The following MAP3K5 variants were observed in gnomAD, a reference collection of about 807,000 sequenced individuals.
MAP3K5 encodes mitogen-activated protein kinase kinase kinase 5.
MAP3K5 carries 56 observed loss-of-function variants against 158.7 expected under a neutral mutation model. The observed-to-expected ratio is 0.35, with a 90% CI of 0.28 to 0.44. MAP3K5 has a LOEUF of 0.44. Ranked by LOEUF, MAP3K5 falls within the 20% of genes least tolerant of loss-of-function variation. The pLI is 1.00. For synonymous variants in MAP3K5, 579 were observed against 601.7 expected (o/e 0.96, Z 0.55); for missense variants, 1,294 against 1,674.8 (o/e 0.77, Z 3.97).
chr6:136,677,850 A>G (rs1363026746), intron 7 of MAP3K5, among the ~76,000 whole-genome samples: 2 of 152,236 alleles, frequency 1.3e-5, no homozygotes, highest in African/African-American at 4.8e-5. Context: ...ATCAAATGGT[A>G]AAAGAATCTA....
chr6:136,633,429 A>G (rs1166926087), intron 14 of MAP3K5, among the ~76,000 whole-genome samples: 2 of 150,730 alleles, frequency 1.3e-5, no homozygotes, highest in African/African-American at 4.9e-5. Context: ...ATATATGTAT[A>G]TATATATATA....
chr6:136,668,850 C>T (rs780056318), intron 8 of MAP3K5, among the ~76,000 whole-genome samples: 9 of 151,990 alleles, frequency 5.9e-5, no homozygotes, highest in Non-Finnish European at 1.0e-4. Flanking sequence ...CCCCCAACAC[C>T]GGTGAAATCA....
chr6:136,784,808 T>C (rs984481582), intron 1 of MAP3K5, among the ~76,000 whole-genome samples: 1 of 152,184 alleles, frequency 6.6e-6, no homozygotes, highest in African/African-American at 2.4e-5. Context: ...TCTAAGGTTA[T>C]GTCCCCCACT....
chr6:136,686,472 G>A (rs1467442037), intron 7 of MAP3K5, among the ~76,000 whole-genome samples: 2 of 152,090 alleles, frequency 1.3e-5, no homozygotes. Context: ...AGGAAGAGCG[G>A]AAGTCAAATT....
At chr6:136,781,829 C>G (rs1435332270) in intron 1 of MAP3K5, among the ~76,000 whole-genome samples, 2 of 152,172 alleles carry the variant, frequency 1.3e-5, no homozygotes, top group Non-Finnish European at 2.9e-5. Flanking sequence ...GGCCCCTGGA[C>G]AGCAGAAATA....
At chr6:136,769,815 A>AGGGAGGGAGGGAGGGGG (rs1784122247) in intron 1 of MAP3K5, among the ~76,000 whole-genome samples, 1 of 13,668 alleles carries the variant, frequency 7.3e-5, no homozygotes, top group Non-Finnish European at 1.2e-4. Flanking sequence ...GAGGGAGGGG[A>AGGGAGGGAGGGAGGGGG]CGGGAGGGAG....
intron 1 of MAP3K5, among the ~76,000 whole-genome samples, chr6:136,744,342 T>A (rs1050274394): frequency 2.6e-5 from 4 of 151,788 alleles, no homozygotes; most frequent in Admixed American, 2.0e-4. Context: ...AATACACATA[T>A]ATATGTATAT....
chr6:136,639,058 G>T, intron 13 of MAP3K5, among the ~76,000 whole-genome samples: 1 of 152,094 alleles, frequency 6.6e-6, no homozygotes, highest in South Asian at 2.1e-4. Flanking sequence ...CAGATCAGTG[G>T]CTCTTAACTC....
intron 1 of MAP3K5, among the ~76,000 whole-genome samples, chr6:136,778,818 A>G (rs1161169350): frequency 1.3e-5 from 2 of 152,162 alleles, no homozygotes; most frequent in Non-Finnish European, 2.9e-5. Flanking sequence ...TGTTTCCCCA[A>G]ACAAAAAAAC....
chr6:136,601,983 A>C lies in MAP3K5; in HGVS notation c.2680-4T>G. On this transcript the variant is annotated splice_polypyrimidine_tract_variant and splice_region_variant and intron_variant, in intron 19 of 29. Transcript: ENST00000359015. ...GGTGGACTTTAAACATTCCCACCTA[A>C]GACATAAATATAAAAAGTGCAATGT... is the stretch of plus-strand genomic sequence containing the variant. 6.2e-7 allele frequency: 1 copy of C among 1,610,460 alleles called. No individual in the cohort carries two copies.
intron 21 of MAP3K5, chr6:136,592,817 G>A (rs1202684103): frequency 3.2e-6 from 2 of 634,376 alleles, no homozygotes; most frequent in African/African-American, 3.6e-5. Flanking sequence ...GCCAGGAAAG[G>A]GCCTCCCAGG....
At chr6:136,716,571 G>T (rs1781537604) in intron 2 of MAP3K5, among the ~76,000 whole-genome samples, 1 of 152,144 alleles carries the variant, frequency 6.6e-6, no homozygotes, top group African/African-American at 2.4e-5. Context: ...ACACAAAACA[G>T]GTTCATTTCT....
chr6:136,752,289 G>A (rs1445857814), intron 1 of MAP3K5, among the ~76,000 whole-genome samples: 3 of 152,164 alleles, frequency 2.0e-5, no homozygotes, highest in Non-Finnish European at 4.4e-5. Context: ...ATCAATAAGG[G>A]CTGTATTAGA....
At chr6:136,786,858 G>A (rs1206453168) in intron 1 of MAP3K5, among the ~76,000 whole-genome samples, 1 of 135,936 alleles carries the variant, frequency 7.4e-6, no homozygotes, top group African/African-American at 2.8e-5. Flanking sequence ...AGGCTGGACT[G>A]CAGTAGCACG....
At chr6:136,659,521 T>A (rs1011486930) in intron 8 of MAP3K5, 143 bp from the exon 9 acceptor site, 2 of 723,106 alleles carry the variant, frequency 2.8e-6, no homozygotes, top group African/African-American at 3.6e-5. Flanking sequence ...TAAGGTGGCT[T>A]CAGTTCACTG....
At chr6:136,782,973 T>C (rs1784680560) in intron 1 of MAP3K5, among the ~76,000 whole-genome samples, 1 of 152,260 alleles carries the variant, frequency 6.6e-6, no homozygotes, top group South Asian at 2.1e-4. Context: ...TTAGTGTCTC[T>C]AGTCAATACC....
intron 1 of MAP3K5, among the ~76,000 whole-genome samples, chr6:136,750,624 G>C (rs1783164869): frequency 6.6e-6 from 1 of 152,194 alleles, no homozygotes; most frequent in Non-Finnish European, 1.5e-5. Flanking sequence ...GATAGATTTA[G>C]AATGTGTTGC....
chr6:136,790,179 T>G (rs1785015410), intron 1 of MAP3K5, among the ~76,000 whole-genome samples: 1 of 152,158 alleles, frequency 6.6e-6, no homozygotes, highest in South Asian at 2.1e-4. Flanking sequence ...CTAATCATTC[T>G]CTCTCCCTTT....
At chr6:136,635,654 G>A (rs1239571613) in intron 14 of MAP3K5, among the ~76,000 whole-genome samples, 3 of 145,852 alleles carry the variant, frequency 2.1e-5, no homozygotes, top group Admixed American at 7.1e-5. Flanking sequence ...TTGGGAGGCC[G>A]AAGAGGGAGA....
Sources: gnomAD v4.1 joint callset for allele counts (sites outside exome capture counted in the v4.1 genomes callset) on GRCh38, gnomAD v4.1.1 for gene constraint, MANE v1.5 for transcripts, NCBI Gene and HGNC (gene_info 2026-07-23, HGNC 2026-07-21) for gene names.